TP53I13: variants seen among roughly 807,000 people sequenced by gnomAD.
The protein encoded by TP53I13 is tumor protein p53-inducible protein 13.
In TP53I13, 27 loss-of-function variants were observed where a neutral mutation model predicts 39.1. The observed-to-expected ratio is 0.69, with a 90% CI of 0.51 to 0.95. The LOEUF (loss-of-function observed/expected upper bound fraction) is 0.95. Among genes scored for constraint, TP53I13 ranks in the 40% least tolerant of loss-of-function variants. The probability of loss-of-function intolerance (pLI) is 0.00; values close to 1 mark genes in which losing one functional copy is unlikely to be tolerated. For synonymous variants in TP53I13, 230 were observed against 224.6 expected, an observed-to-expected ratio of 1.02 and a Z score of -0.22; for missense variants, 544 against 520.4, an observed-to-expected ratio of 1.05 and a Z score of -0.44.
downstream of TP53I13, chr17:29,576,919 C>A: frequency 3.2e-6 from 5 of 1,583,978 alleles, no homozygotes; most frequent in Non-Finnish European, 4.3e-6. Context: ...TGGTCTGTGT[C>A]CTCGTCAGAG....
downstream of TP53I13, chr17:29,574,957 A>G (rs550818): frequency 0.74 from 1,115,685 of 1,502,650 alleles, 415,737 homozygotes; most frequent in East Asian, 0.92. Context: ...ACTTTAAGCC[A>G]CCAGCTGAGA....
downstream of TP53I13, chr17:29,574,843 C>T (rs766483401): frequency 1.9e-5 from 30 of 1,605,434 alleles, no homozygotes; most frequent in Non-Finnish European, 2.2e-5. Flanking sequence ...TCTTCCGGCA[C>T]TCACTCTGCA....
chr17:29,575,183 G>C (rs200748938), downstream of TP53I13: 1 of 1,569,118 alleles, frequency 6.4e-7, no homozygotes, highest in East Asian at 2.3e-5. This position sits in a 1 kb window ranked among gnomAD's most constrained non-coding sequence, Gnocchi z 5.5. Context: ...GGGCTCTCAA[G>C]GGAGGTTCCC....
the TP53I13 span, among the ~76,000 whole-genome samples, chr17:29,579,950 C>T: frequency 1.3e-5 from 2 of 152,180 alleles, no homozygotes; most frequent in African/African-American, 4.8e-5. Context: ...GCTCTCGGGG[C>T]TGCTCATTCT....
At chr17:29,575,065 T>A (rs2033141727), downstream of TP53I13, 1 of 1,577,266 alleles carries the variant, frequency 6.3e-7, no homozygotes, top group Non-Finnish European at 8.7e-7. This position sits in a 1 kb window ranked among gnomAD's most constrained non-coding sequence, Gnocchi z 5.5. Context: ...TGGTCCTCTC[T>A]TTGGCCCCTG....
downstream of TP53I13, chr17:29,576,267 G>A (rs1208086729): frequency 6.2e-7 from 1 of 1,610,390 alleles, no homozygotes; most frequent in East Asian, 2.2e-5. Context: ...TCCCCAGGGG[G>A]GCCCCCAAAG....
chr17:29,566,558 G>A (rs779398690), upstream of TP53I13: 2 of 1,609,466 alleles, frequency 1.2e-6, no homozygotes, highest in African/African-American at 1.3e-5. Flanking sequence ...ACCCAGTCCA[G>A]GGCCACTAGC....
At chr17:29,575,171 G>C (rs1248284972), downstream of TP53I13, 2 of 1,579,564 alleles carry the variant, frequency 1.3e-6, no homozygotes, top group Non-Finnish European at 8.6e-7. The surrounding 1 kb of genome is among the most constrained non-coding windows in gnomAD (Gnocchi z 5.5). Context: ...CTATAAAGCA[G>C]GGGGCTCTCA....
At chr17:29,566,423 G>C (rs751758531), upstream of TP53I13, 1 of 1,612,216 alleles carries the variant, frequency 6.2e-7, no homozygotes, top group South Asian at 1.1e-5. Flanking sequence ...CCGCGCTCCA[G>C]GGCGAGCAAG....
At chr17:29,574,116 G>A (rs1413534827), downstream of TP53I13, 1 of 152,600 alleles carries the variant, frequency 6.6e-6, no homozygotes, top group Non-Finnish European at 1.5e-5. Context: ...TTAAGGGGTG[G>A]GGAAGAAGAA....
downstream of TP53I13, chr17:29,575,959 C>T: frequency 1.3e-6 from 2 of 1,535,842 alleles, no homozygotes; most frequent in South Asian, 1.1e-5. The surrounding 1 kb of genome is among the most constrained non-coding windows in gnomAD (Gnocchi z 5.5). Flanking sequence ...TGCTCACCAG[C>T]AGTGCAGCAG....
At position 29,571,898 on chromosome 17, in the gene TP53I13, C is replaced by T; in HGVS notation, c.354C>T (p.Ala118=). ...CATGGGGGCTGGCGCTGGAGATGGC[C>T]TGGGTAGAGCCAGCCTGGGCTGCCC... ...LTAWGLALEM[A]WVEPAWAAHW... Residue 118 remains alanine, a synonymous_variant, in exon 5 of 7, where the codon GCC becomes GCT. Coordinates refer to ENST00000301057, the MANE Select transcript of TP53I13 (RefSeq NM_138349.4). The T allele has an allele frequency of 4.3e-6, 7 of 1,613,190 alleles. No homozygotes were observed. Among genetic ancestry groups the T allele is most frequent in the Non-Finnish European group, 5.9e-6 (7 of 1,179,922 alleles).
At chr17:29,579,910 G>T in the TP53I13 span, among the ~76,000 whole-genome samples, 4 of 152,078 alleles carry the variant, frequency 2.6e-5, no homozygotes, top group African/African-American at 9.7e-5. Flanking sequence ...GGAACTCTCC[G>T]CTCTCGGGAT....
chr17:29,568,298 G>C (rs1463881283), upstream of TP53I13: 1 of 152,276 alleles, frequency 6.6e-6, no homozygotes, highest in African/African-American at 2.4e-5. The surrounding 1 kb of genome is among the most constrained non-coding windows in gnomAD (Gnocchi z 4.5). Flanking sequence ...CAAATCTGAA[G>C]CGGGTTTGCC....
chr17:29,572,441 G>A lies in TP53I13; in HGVS notation c.813G>A (p.Val271=). ...CCAGCTCCAGGACAGAGGCTCAGGT[G>A]CCCAACGGGCAAGGCAGCCCAGGGG... ...GNASSRTEAQ[V]PNGQGSPGGC... is the part of the protein sequence containing the mutation. The change falls in exon 6 of 7, where the codon GTG becomes GTA. Residue 271 remains valine, a synonymous_variant. Transcript: ENST00000301057. 6.3e-7 allele frequency: 1 copy of A among 1,578,560 alleles called. No individual in the cohort carries two copies. Among genetic ancestry groups the A allele is most frequent in the Non-Finnish European group, 8.6e-7 (1 of 1,159,344 alleles).
downstream of TP53I13, chr17:29,576,716 G>A (rs751666806): frequency 1.9e-6 from 3 of 1,610,800 alleles, no homozygotes; most frequent in South Asian, 2.2e-5. Context: ...TGGGGGCAGG[G>A]AGGCCAACAC....
intron 3 of TP53I13, chr17:29,570,956 C>G (rs1374548456): frequency 6.6e-6 from 1 of 152,414 alleles, no homozygotes; most frequent in Non-Finnish European, 1.5e-5. Flanking sequence ...TCCCCTCCTC[C>G]TCTGAATCTA....
chr17:29,571,918 C>T lies in TP53I13; in HGVS notation c.374C>T (p.Ala125Val), dbSNP rs1009596744. The T allele has an allele frequency of 1.9e-6, 3 of 1,613,202 alleles. No homozygotes were observed. The highest frequency in any genetic ancestry group is 2.5e-6 in the Non-Finnish European group (3 of 1,179,928). Residue 125 changes from alanine (A) to valine (V), a missense_variant, in exon 5 of 7, where the codon GCT (alanine) becomes GTT (valine). By Grantham distance (64) the Ala-to-Val change is moderately conservative. Transcript: ENST00000301057. ...ATGGCCTGGGTAGAGCCAGCCTGGG[C>T]TGCCCACTGGCTGATGAGGAGGCGG... ...LEMAWVEPAW[A>V]AHWLMRRRRR...
At chr17:29,566,560 G>T, upstream of TP53I13, 1 of 1,609,380 alleles carries the variant, frequency 6.2e-7, no homozygotes, top group African/African-American at 1.3e-5. Flanking sequence ...CCAGTCCAGG[G>T]CCACTAGCCC....
Sources: allele counts gnomAD v4.1 joint callset (sites outside exome capture counted in the v4.1 genomes callset), GRCh38; gene constraint gnomAD v4.1.1; non-coding constraint Gnocchi (gnomAD v3.1); transcripts MANE v1.5; gene names NCBI Gene and HGNC (gene_info 2026-07-23, HGNC 2026-07-21).